The following SLC36A4 variants were observed in gnomAD, a reference collection of about 807,000 sequenced individuals.
SLC36A4 encodes the protein solute carrier family 36 member 4, also known as neutral amino acid uniporter 4.
Under a neutral mutation model 50.5 loss-of-function variants are expected in SLC36A4, and 49 were observed. The observed-to-expected ratio is 0.97, with a 90% CI of 0.77 to 1.23. The LOEUF (loss-of-function observed/expected upper bound fraction) is 1.23. SLC36A4 is among the 50% of genes most tolerant of loss of function. SLC36A4 has a pLI of 0.00. For missense variants in SLC36A4, 611 were observed against 608.4 expected, an observed-to-expected ratio of 1.00 and a Z score of -0.05; for synonymous variants, 207 against 206.5, an observed-to-expected ratio of 1.00 and a Z score of -0.02.
chr11:93,186,001 G>A (rs1156369377), intron 1 of SLC36A4, among the ~76,000 whole-genome samples, 187 bp from the exon 2 acceptor site: 4 of 152,068 alleles, frequency 2.6e-5, no homozygotes, highest in East Asian at 1.9e-4. Context: ...TTTATTTGCT[G>A]GATATTCTGT....
At chr11:93,169,292 T>C (rs1402703809) in intron 6 of SLC36A4, among the ~76,000 whole-genome samples, 4 of 151,730 alleles carry the variant, frequency 2.6e-5, no homozygotes, top group Non-Finnish European at 5.9e-5. Flanking sequence ...TAGAGAAATA[T>C]TTTTTTTAAA....
intron 9 of SLC36A4, among the ~76,000 whole-genome samples, chr11:93,158,981 G>A (rs1269869907): frequency 7.9e-5 from 12 of 152,042 alleles, no homozygotes; most frequent in Admixed American, 7.2e-4. Flanking sequence ...GAGAGTTACA[G>A]ACTAATTCTT....
chr11:93,173,769 T>C (rs1217323083), intron 6 of SLC36A4, among the ~76,000 whole-genome samples: 1 of 94,216 alleles, frequency 1.1e-5, no homozygotes, highest in African/African-American at 4.0e-5. Context: ...GTATGCGGCA[T>C]TATTTCTGAG....
rs115213267 is a variant in SLC36A4 at position 93,168,412 on chromosome 11, T to C, written c.541-241A>G. 1.9e-3 allele frequency among the ~76,000 whole-genome samples: 289 copies of C among 152,180 alleles called. 2 individuals are homozygous for C. The highest frequency in any genetic ancestry group is 6.7e-3 in the African/African-American group (277 of 41,556). ...AAAGGTAATTTCTTTTATCATACTG[T>C]AAATATAAAGTTCATTAGAAAATTA... is the stretch of plus-strand genomic sequence containing the variant. On this transcript the variant is annotated intron_variant, in intron 6 of 10. Coordinates refer to ENST00000326402, the MANE Select transcript of SLC36A4 (RefSeq NM_152313.4).
intron 6 of SLC36A4, among the ~76,000 whole-genome samples, chr11:93,173,834 G>A (rs1861311994): frequency 7.7e-6 from 1 of 129,040 alleles, no homozygotes; most frequent in Non-Finnish European, 1.6e-5. Flanking sequence ...GTACCATGCT[G>A]TTTTGGTTAC....
intron 9 of SLC36A4, 54 bp downstream of exon 9, chr11:93,162,652 A>G: frequency 7.4e-7 from 1 of 1,355,370 alleles, no homozygotes; most frequent in Non-Finnish European, 1.0e-6. Context: ...ATCATCAAAC[A>G]GTGGTACATT....
At position 93,197,929 on chromosome 11, in the gene SLC36A4, G is replaced by T. The variant is rs888745409; in HGVS notation, c.-97C>A. ...CAGGCCTACCTCCCCTGCCCGGAGGGACCCGCGCCTGGTGCCCGCCTCCCT... is the reference window on the plus strand; with the variant it reads ...CAGGCCTACCTCCCCTGCCCGGAGGTACCCGCGCCTGGTGCCCGCCTCCCT... On this transcript the variant is annotated 5_prime_UTR_variant, in exon 1 of 11. Coordinates refer to ENST00000326402, the MANE Select transcript of SLC36A4 (RefSeq NM_152313.4). 12 of 1,250,064 alleles carry T rather than the reference G, an allele frequency of 9.6e-6. No individual in the cohort carries two copies. The South Asian group carries it at 1.2e-4, about 13-fold the overall frequency. 77.4% of individuals were successfully genotyped at this position (1,250,064 alleles called of 1,614,324 possible). A position where few individuals can be genotyped will look rare whatever the true frequency, so the allele number is the denominator to read the frequency against.
chr11:93,182,473 A>G (rs2134694048), intron 4 of SLC36A4: 1 of 154,394 alleles, frequency 6.5e-6, no homozygotes, highest in East Asian at 1.9e-4. Flanking sequence ...AAGGCATTAT[A>G]ATCAAAACAG....
At chr11:93,163,302 A>G (rs1860715767) in intron 8 of SLC36A4, among the ~76,000 whole-genome samples, 1 of 152,190 alleles carries the variant, frequency 6.6e-6, no homozygotes, top group Non-Finnish European at 1.5e-5. Context: ...TTTGGATTTC[A>G]TTAGTTTTTC....
intron 9 of SLC36A4, 177 bp from the exon 10 acceptor site, chr11:93,154,454 G>A: frequency 2.9e-6 from 1 of 342,846 alleles, no homozygotes. Context: ...ATTTCTAGAT[G>A]ATACAAGAAC....
At chr11:93,197,449 G>A in intron 1 of SLC36A4, 1 of 442,612 alleles carries the variant, frequency 2.3e-6, no homozygotes, top group East Asian at 4.1e-5. Context: ...GCATCATTGG[G>A]AAAAAAACCG....
rs374360768 is a variant in SLC36A4 at position 93,167,923 on chromosome 11, T to C, written c.768+21A>G. ...TTACATAAGAAAGATAAGAACTTAG[T>C]TAAAAACTTTTTATACTTACCCTGA... On this transcript the variant is annotated intron_variant, in intron 7 of 10. Transcript: ENST00000326402. 5.3e-6 allele frequency: 8 copies of C among 1,522,408 alleles called. No individual in the cohort carries two copies. The African/African-American group carries it at 9.8e-5, about 19-fold the overall frequency. 94.3% of individuals were successfully genotyped at this position (1,522,408 alleles called of 1,614,324 possible).
intron 6 of SLC36A4, chr11:93,171,737 A>G (rs1861144334): frequency 6.6e-6 from 1 of 152,126 alleles, no homozygotes; most frequent in South Asian, 2.1e-4. Flanking sequence ...AATAACTGGT[A>G]AGATGGTATG....
intron 8 of SLC36A4, among the ~76,000 whole-genome samples, chr11:93,164,165 C>T (rs1174529645): frequency 6.6e-6 from 1 of 152,138 alleles, no homozygotes; most frequent in African/African-American, 2.4e-5. Context: ...CAGCCTCTCT[C>T]AGGAGACAGA....
In SLC36A4 at chr11:93,184,442, AT is replaced by A; in HGVS notation, c.257del (p.Asn86MetfsTer4). On this transcript the variant is annotated frameshift_variant, in exon 3 of 11. Transcript: ENST00000326402. LOFTEE classifies it high-confidence loss of function. ...AGATAAGTCTTACCACTATGCCTGC[AT>A]TTTTTATTGCCAATGGAAGTCCTAA... ...GLLGLPLAIK[N>X]AGIVLGPISL... The A allele has an allele frequency of 6.2e-7, 1 of 1,605,936 alleles. No individual in the cohort carries two copies.
At chr11:93,185,942 T>C in intron 1 of SLC36A4, 128 bp from the exon 2 acceptor site, 1 of 711,808 alleles carries the variant, frequency 1.4e-6, no homozygotes, top group Non-Finnish European at 2.1e-6. Context: ...CCTAAGTTAG[T>C]TCATACTAAT....
intron 1 of SLC36A4, among the ~76,000 whole-genome samples, chr11:93,196,020 C>T (rs183063103): frequency 1.8e-4 from 28 of 152,282 alleles, no homozygotes; most frequent in African/African-American, 6.0e-4. Context: ...ATACAAGCTC[C>T]ATTAAGAACA....
chr11:93,171,026 T>C (rs919155382), intron 6 of SLC36A4: 3 of 152,068 alleles, frequency 2.0e-5, no homozygotes, highest in Non-Finnish European at 4.4e-5. Flanking sequence ...TATTGTATAA[T>C]GCTATCAAAT....
intron 1 of SLC36A4, among the ~76,000 whole-genome samples, chr11:93,191,298 C>T (rs888226420): frequency 6.6e-6 from 1 of 152,114 alleles, no homozygotes; most frequent in Non-Finnish European, 1.5e-5. Flanking sequence ...GAGCTTTTAG[C>T]CCTGGCATTG....
Sources: allele counts gnomAD v4.1 joint callset (sites outside exome capture counted in the v4.1 genomes callset), GRCh38; gene constraint gnomAD v4.1.1; transcripts MANE v1.5; gene names NCBI Gene and HGNC (gene_info 2026-07-23, HGNC 2026-07-21).